Variants in STARD9 observed in about 807,000 individuals in gnomAD.
The protein encoded by STARD9 is StAR related lipid transfer domain containing 9.
STARD9 carries 346 observed loss-of-function variants against 399.8 expected under a neutral mutation model. That is an observed-to-expected ratio of 0.87 (90% confidence interval 0.79 to 0.95). The LOEUF is 0.95. STARD9 is among the 40% of genes least tolerant of loss of function. The probability of loss-of-function intolerance (pLI) is 0.00; values close to 1 mark genes in which losing one functional copy is unlikely to be tolerated. For synonymous variants in STARD9, 2,203 were observed against 2,143.5 expected (o/e 1.03, Z -0.77); for missense variants, 5,832 against 5,667.5 (o/e 1.03, Z -0.93).
intron 26 of STARD9, among the ~76,000 whole-genome samples, chr15:42,702,183 G>A (rs891751874): frequency 1.3e-5 from 2 of 152,052 alleles, no homozygotes; most frequent in African/African-American, 4.8e-5. Flanking sequence ...CCCAGTTATA[G>A]AACAAAGACG....
rs138099700 is a variant in STARD9 at position 42,673,698 on chromosome 15, T to C, written c.1498-742T>C. Among the ~76,000 whole-genome samples, 4 of 152,340 alleles carry C rather than the reference T, an allele frequency of 2.6e-5. No individual in the cohort carries two copies. In the East Asian group the frequency reaches 7.7e-4, roughly 29 times the overall value. ...GAATAGTCAATAAATGATAAAGATA[T>C]GTCTAAAATTTAGCATCCCGGTTGC... is the stretch of plus-strand genomic sequence containing the variant. On this transcript the variant is annotated intron_variant, in intron 16 of 32. Coordinates refer to ENST00000290607, the MANE Select transcript of STARD9 (RefSeq NM_020759.3).
intron 3 of STARD9, among the ~76,000 whole-genome samples, chr15:42,624,560 T>C (rs542175917): frequency 0.041 from 6,164 of 151,796 alleles, 371 homozygotes; most frequent in African/African-American, 0.14. Context: ...TGTCTTTTTT[T>C]TTTTTTGAGA....
At chr15:42,655,330 A>C (rs1187157035) in intron 9 of STARD9, among the ~76,000 whole-genome samples, 1 of 152,182 alleles carries the variant, frequency 6.6e-6, no homozygotes, top group Non-Finnish European at 1.5e-5. Context: ...ACCCAACTTC[A>C]AACTATACTA....
In STARD9 at chr15:42,694,112, C is replaced by T; in HGVS notation, c.12534C>T (p.Pro4178=). 6 of 1,537,010 alleles carry T rather than the reference C, an allele frequency of 3.9e-6. No individual in the cohort carries two copies. Among genetic ancestry groups the T allele is most frequent in the Non-Finnish European group, 5.2e-6 (6 of 1,146,828 alleles). The change falls in exon 23 of 33, where the codon CCC becomes CCT. Residue 4178 remains proline (P), a synonymous_variant. Coordinates refer to ENST00000290607, the MANE Select transcript of STARD9 (RefSeq NM_020759.3). ...GCTCTGAAAAGCAGGAACAGAGTCC[C>T]CCACAACCTCCTAATGACCACAGCC... is the stretch of plus-strand genomic sequence containing the variant. ...DLSSEKQEQS[P]PQPPNDHSQD... is the part of the protein sequence containing the mutation.
At chr15:42,589,011 C>T (rs1014295210) in intron 3 of STARD9, among the ~76,000 whole-genome samples, 5 of 151,524 alleles carry the variant, frequency 3.3e-5, no homozygotes, top group African/African-American at 1.2e-4. Flanking sequence ...GACAGGGTTT[C>T]GCCATGTTGG....
intron 26 of STARD9, among the ~76,000 whole-genome samples, chr15:42,701,961 C>G (rs913463284): frequency 1.9e-4 from 28 of 143,596 alleles, no homozygotes; most frequent in Non-Finnish European, 3.3e-4. Context: ...TCATTGCACT[C>G]CAGTGCAGGT....
At chr15:42,657,189 T>C (rs1466043340) in intron 9 of STARD9, among the ~76,000 whole-genome samples, 1 of 151,878 alleles carries the variant, frequency 6.6e-6, no homozygotes. Flanking sequence ...AAACCCCGTC[T>C]CTACTAAAAA....
intron 9 of STARD9, among the ~76,000 whole-genome samples, chr15:42,654,504 GACA>G (rs2059824443): frequency 6.6e-6 from 1 of 152,134 alleles, no homozygotes; most frequent in Non-Finnish European, 1.5e-5. Context: ...GCTGTTCGCT[GACA>G]ACATGATTGT....
intron 8 of STARD9, among the ~76,000 whole-genome samples, chr15:42,652,088 T>C (rs941735920): frequency 3.9e-5 from 6 of 152,204 alleles, no homozygotes; most frequent in African/African-American, 1.4e-4. Flanking sequence ...ACCTTCTCTG[T>C]CTTTGAGGTA....
In STARD9 at chr15:42,693,712, G is replaced by A. The variant is rs932254046; in HGVS notation, c.12134G>A (p.Ser4045Asn). 6.5e-7 allele frequency: 1 copy of A among 1,537,076 alleles called. No individual in the cohort carries two copies. The highest frequency in any genetic ancestry group is 8.7e-7 in the Non-Finnish European group (1 of 1,146,924). The change falls in exon 23 of 33, where the codon AGC (serine) becomes AAC (asparagine). Residue 4045 changes from serine to asparagine, a missense_variant. Ser to Asn is a conservative substitution (Grantham distance 46). Around this residue, in one of 2 missense-constraint regions of STARD9, gnomAD observed 5,828 missense variants for 5,651.1 expected, o/e 1.03. Coordinates refer to ENST00000290607, the MANE Select transcript of STARD9 (RefSeq NM_020759.3). ...KVASPEHCPL[S>N]GREPSQWQSR... ...GCTTCCCCGGAGCATTGCCCACTGA[G>A]CGGTAGGGAGCCAAGTCAGTGGCAG... is the stretch of plus-strand genomic sequence containing the variant.
intron 32 of STARD9, 37 bp downstream of exon 32, chr15:42,718,947 C>CT (rs1420149997): frequency 9.8e-6 from 15 of 1,526,666 alleles, no homozygotes; most frequent in South Asian, 4.8e-5. Context: ...ACAGCACAGG[C>CT]TGACTTGGTC....
intron 3 of STARD9, among the ~76,000 whole-genome samples, chr15:42,603,716 A>G (rs1454508613): frequency 6.6e-6 from 1 of 152,120 alleles, no homozygotes; most frequent in Admixed American, 6.5e-5. Flanking sequence ...GGATGAAATC[A>G]TAGGGGGTCA....
At chr15:42,583,446 C>G in intron 2 of STARD9, 31 bp downstream of exon 2, 1 of 1,475,862 alleles carries the variant, frequency 6.8e-7, no homozygotes, top group Non-Finnish European at 9.2e-7. Context: ...CATTTTCTTT[C>G]CACTGAGGAG....
chr15:42,612,870 G>C (rs776432879), intron 3 of STARD9, among the ~76,000 whole-genome samples: 4 of 151,982 alleles, frequency 2.6e-5, no homozygotes, highest in Non-Finnish European at 4.4e-5. Context: ...TGTAATCCTA[G>C]CTACTCAGGA....
chr15:42,645,448 C>T lies in STARD9; in HGVS notation c.560-5568C>T, dbSNP rs569243432. On this transcript the variant is annotated intron_variant, in intron 7 of 32. Coordinates refer to ENST00000290607, the MANE Select transcript of STARD9 (RefSeq NM_020759.3). ...TTTGAAAATAATCTTTTTTTCTGAG[C>T]AGTAGTTCTCAACAGTGGGCTTACT... Among the ~76,000 whole-genome samples, 259 of 152,146 alleles carry T rather than the reference C, an allele frequency of 1.7e-3. 2 individuals are homozygous for T. The highest frequency in any genetic ancestry group is 2.8e-3 in the Non-Finnish European group (191 of 68,008).
chr15:42,591,119 A>G (rs1472624697), intron 3 of STARD9, among the ~76,000 whole-genome samples: 1 of 152,210 alleles, frequency 6.6e-6, no homozygotes, highest in Non-Finnish European at 1.5e-5. Context: ...TGTACTGTGC[A>G]TTGTAGAATG....
chr15:42,631,362 G>A (rs1361223183), intron 3 of STARD9, among the ~76,000 whole-genome samples: 1 of 152,052 alleles, frequency 6.6e-6, no homozygotes, highest in Admixed American at 6.6e-5. Flanking sequence ...TGGGCAGACT[G>A]CCTGAGCTCA....
Position 42,652,538 on chromosome 15 carries a change from T to C in STARD9, c.648T>C (p.His216=), listed in dbSNP as rs368772040. ...TACACAGAATCACAGCAGCCACCCA[T>C]GTTCATGAGGCCAGCAGCAGATCCC... is the stretch of plus-strand genomic sequence containing the variant. ...GIANRITAAT[H]VHEASSRSHA... The change falls in exon 9 of 33, where the codon CAT becomes CAC. Residue 216 remains histidine (H), a synonymous_variant. Transcript: ENST00000290607. 3.6e-5 allele frequency: 56 copies of C among 1,537,496 alleles called. No homozygotes were observed. In the African/African-American group the frequency reaches 6.6e-4, roughly 18 times the overall value.
chr15:42,634,815 G>A (rs949120055), intron 3 of STARD9, 41 bp from the exon 4 acceptor site: 17 of 979,542 alleles, frequency 1.7e-5, no homozygotes, highest in Admixed American at 5.2e-5. Context: ...GCTATGAGAA[G>A]AAGGACCACA....
Sources: gnomAD v4.1 joint callset for allele counts (sites outside exome capture counted in the v4.1 genomes callset) on GRCh38, gnomAD v4.1.1 for gene constraint, gnomAD v4.1.1 regional missense constraint, MANE v1.5 for transcripts, NCBI Gene and HGNC (gene_info 2026-07-23, HGNC 2026-07-21) for gene names.